The following NRXN3 variants were observed in gnomAD, a reference collection of about 807,000 sequenced individuals.
The protein encoded by NRXN3 is neurexin III.
Under a neutral mutation model 137.6 loss-of-function variants are expected in NRXN3, and 32 were observed. That is an observed-to-expected ratio of 0.23 (90% confidence interval 0.18 to 0.31). The LOEUF (loss-of-function observed/expected upper bound fraction) is 0.31, where lower values mean the gene tolerates loss of function less well. Among genes scored for constraint, NRXN3 ranks in the 10% least tolerant of loss-of-function variants. The pLI is 1.00. For missense variants in NRXN3, 1,574 were observed against 2,062.5 expected, an observed-to-expected ratio of 0.76 and a Z score of 4.59; for synonymous variants, 798 against 784.5, an observed-to-expected ratio of 1.02 and a Z score of -0.29.
chr14:78,176,540 A>G (rs974772561), intron 1 of NRXN3, among the ~76,000 whole-genome samples: 6 of 152,170 alleles, frequency 3.9e-5, no homozygotes, highest in Non-Finnish European at 7.3e-5. Flanking sequence ...GAGCCCAAGC[A>G]TGGGACCCTT....
chr14:78,349,802 AG>A (rs1397518569), intron 4 of NRXN3, among the ~76,000 whole-genome samples: 1 of 152,228 alleles, frequency 6.6e-6, no homozygotes, highest in Non-Finnish European at 1.5e-5. Flanking sequence ...AACACAACTC[AG>A]GGTGCTACTG....
intron 4 of NRXN3, among the ~76,000 whole-genome samples, chr14:78,569,068 C>T (rs2096864328): frequency 6.7e-6 from 1 of 148,646 alleles, no homozygotes; most frequent in Admixed American, 6.8e-5. Context: ...CCCAGGTTCA[C>T]ACCATTCTTC....
chr14:78,296,809 G>A (rs979202868), intron 3 of NRXN3, among the ~76,000 whole-genome samples: 1 of 152,046 alleles, frequency 6.6e-6, no homozygotes, highest in African/African-American at 2.4e-5. Flanking sequence ...AACATTTAGA[G>A]ATTTCCATAC....
Position 79,641,004 on chromosome 14 carries a change from T to C in NRXN3, c.3445-22774T>C, listed in dbSNP as rs1354922961. Among the ~76,000 whole-genome samples the C allele has an allele frequency of 1.5e-5, 2 of 133,830 alleles. 1 individual carries two copies. The highest frequency in any genetic ancestry group is 3.5e-5 in the Non-Finnish European group (2 of 57,750). 87.8% of individuals were successfully genotyped at this position (133,830 alleles called of 152,430 possible). On this transcript the variant is annotated intron_variant, in intron 16 of 20. Transcript: ENST00000335750. ...TTATCAGTTGCTGTTTAGAATAAAT[T>C]ATAATCTCCACGTTTTTTTTTGAGA...
intron 6 of NRXN3, among the ~76,000 whole-genome samples, chr14:78,659,989 G>A (rs988961937): frequency 2.0e-4 from 31 of 152,112 alleles, no homozygotes; most frequent in Non-Finnish European, 8.8e-5. Context: ...CACAGAGGAA[G>A]AAGGAGCGAA....
At chr14:79,240,378 C>T (rs969307824) in intron 15 of NRXN3, among the ~76,000 whole-genome samples, 1 of 152,082 alleles carries the variant, frequency 6.6e-6, no homozygotes, top group African/African-American at 2.4e-5. Context: ...AAGGTAGCCT[C>T]TCTTGGGAAT....
At chr14:78,569,192 C>T (rs2096865594) in intron 4 of NRXN3, among the ~76,000 whole-genome samples, 1 of 151,876 alleles carries the variant, frequency 6.6e-6, no homozygotes, top group African/African-American at 2.4e-5. Flanking sequence ...TGGTCTCGAT[C>T]TCCTGATCTC....
intron 15 of NRXN3, among the ~76,000 whole-genome samples, chr14:79,124,775 G>T (rs1223151993): frequency 1.3e-5 from 2 of 152,182 alleles, no homozygotes; most frequent in African/African-American, 4.8e-5. Flanking sequence ...GGCTAAGACT[G>T]CAGGGTATTA....
chr14:79,504,670 T>TATATATATAA (rs1297701522), intron 16 of NRXN3, among the ~76,000 whole-genome samples: 9 of 143,110 alleles, frequency 6.3e-5, no homozygotes, highest in African/African-American at 2.4e-4. Flanking sequence ...TATATATATA[T>TATATATATAA]ATATAAAACA....
At chr14:79,796,846 G>A (rs1208882496) in intron 19 of NRXN3, among the ~76,000 whole-genome samples, 1 of 152,184 alleles carries the variant, frequency 6.6e-6, no homozygotes, top group Non-Finnish European at 1.5e-5. Context: ...TTCCTATGTA[G>A]TCTGCTGTCT....
chr14:78,196,369 G>A (rs2061231267), intron 1 of NRXN3, among the ~76,000 whole-genome samples: 1 of 152,226 alleles, frequency 6.6e-6, no homozygotes, highest in Non-Finnish European at 1.5e-5. Context: ...ATTATGCTAA[G>A]CATTGGGAAA....
At chr14:78,230,023 A>T (rs1427154010) in intron 1 of NRXN3, among the ~76,000 whole-genome samples, 1 of 151,582 alleles carries the variant, frequency 6.6e-6, no homozygotes, top group Non-Finnish European at 1.5e-5. Flanking sequence ...CTTTATTTTT[A>T]TTTATTTTGT....
intron 16 of NRXN3, among the ~76,000 whole-genome samples, chr14:79,470,376 G>A (rs1041981402): frequency 6.6e-6 from 1 of 152,132 alleles, no homozygotes; most frequent in Non-Finnish European, 1.5e-5. Flanking sequence ...TGTCTTGTGA[G>A]GGCCCAGTCT....
chr14:79,085,532 G>T (rs1003352634), intron 15 of NRXN3, among the ~76,000 whole-genome samples: 2 of 152,062 alleles, frequency 1.3e-5, no homozygotes, highest in Non-Finnish European at 2.9e-5. Context: ...TGGGAAAATG[G>T]TCTTCTTCAA....
At chr14:78,341,578 C>T (rs1404214231) in intron 4 of NRXN3, among the ~76,000 whole-genome samples, 2 of 152,114 alleles carry the variant, frequency 1.3e-5, no homozygotes, top group African/African-American at 4.8e-5. Flanking sequence ...AGGATTTGGC[C>T]TGTGGCTGGC....
chr14:79,029,505 C>T (rs2099603880), intron 15 of NRXN3, among the ~76,000 whole-genome samples: 1 of 152,052 alleles, frequency 6.6e-6, no homozygotes, highest in Non-Finnish European at 1.5e-5. Flanking sequence ...ATGGCAAATT[C>T]CAGTTTACAG....
chr14:78,190,971 C>T (rs1055369196), intron 1 of NRXN3, among the ~76,000 whole-genome samples: 3 of 152,110 alleles, frequency 2.0e-5, no homozygotes, highest in East Asian at 1.9e-4. Flanking sequence ...GCTGCCCCCA[C>T]CCAGTGACTC....
At chr14:79,028,377 T>C (rs941201056) in intron 15 of NRXN3, among the ~76,000 whole-genome samples, 1 of 152,162 alleles carries the variant, frequency 6.6e-6, no homozygotes, top group African/African-American at 2.4e-5. Flanking sequence ...ACATCTTATC[T>C]GCACTGCAGT....
Position 79,485,400 on chromosome 14 carries a change from C to T in NRXN3, c.3444+17998C>T, listed in dbSNP as rs376613692. ...ATTTTTTTCTTCCATTGCTTTAGGC[C>T]ATTGCTTCAAGTTATATCACCTTCT... On this transcript the variant is annotated intron_variant, in intron 16 of 20. Transcript: ENST00000335750. Among the ~76,000 whole-genome samples, 364 of 152,224 alleles carry T rather than the reference C, an allele frequency of 2.4e-3. 3 individuals carry two copies. The highest frequency in any genetic ancestry group is 0.019 in the South Asian group (90 of 4,818).
Sources: allele counts gnomAD v4.1 joint callset (sites outside exome capture counted in the v4.1 genomes callset), GRCh38; gene constraint gnomAD v4.1.1; transcripts MANE v1.5; gene names NCBI Gene and HGNC (gene_info 2026-07-23, HGNC 2026-07-21).